The following SULT2A1 variants were observed in gnomAD, a reference collection of about 807,000 sequenced individuals.
SULT2A1 encodes the protein sulfotransferase family 2A member 1, also known as sulfotransferase 2A1.
In SULT2A1, 43 loss-of-function variants were observed where a neutral mutation model predicts 33.9. That is an observed-to-expected ratio of 1.27 (90% confidence interval 1.00 to 1.64). The LOEUF (loss-of-function observed/expected upper bound fraction) is 1.64, where lower values mean the gene tolerates loss of function less well. Among genes scored for constraint, SULT2A1 ranks in the 40% most tolerant of loss-of-function variants. The pLI, the probability that SULT2A1 is intolerant of heterozygous loss-of-function variation, is 0.00. For missense variants in SULT2A1, 300 were observed against 335.1 expected, an observed-to-expected ratio of 0.90 and a Z score of 0.82; for synonymous variants, 125 against 113.6, an observed-to-expected ratio of 1.10 and a Z score of -0.64.
chr19:47,874,894 G>C, intron 4 of SULT2A1, 60 bp from the exon 5 acceptor site: 1 of 1,464,986 alleles, frequency 6.8e-7, no homozygotes, highest in Non-Finnish European at 9.4e-7. Context: ...GGGCGTGGTG[G>C]TTCACGCCTG....
chr19:47,885,516 T>A (rs1968647725), intron 1 of SULT2A1, among the ~76,000 whole-genome samples: 1 of 152,184 alleles, frequency 6.6e-6, no homozygotes, highest in Non-Finnish European at 1.5e-5. Context: ...GTTGCTTCCA[T>A]CTTTTGGCTA....
At position 47,870,736 on chromosome 19, in the gene SULT2A1, A is replaced by G. The variant is rs1968481441; in HGVS notation, c.*719T>C. 1 of 147,734 alleles carries G rather than the reference A, an allele frequency of 6.8e-6. No homozygotes were observed. The highest frequency in any genetic ancestry group is 6.8e-5 in the Admixed American group (1 of 14,778). 9.2% of individuals were successfully genotyped at this position (147,734 alleles called of 1,614,324 possible). A position where few individuals can be genotyped will look rare whatever the true frequency, so the allele number is the denominator to read the frequency against. The stretch of plus-strand genomic sequence containing the variant: ...GTAGTACGTACATTATTCTTGTAGC[A>G]TTCTGTAAACGGGAAACATTGCAAA... On this transcript the variant is annotated 3_prime_UTR_variant, in exon 6 of 6. Coordinates refer to ENST00000222002, the MANE Select transcript of SULT2A1 (RefSeq NM_003167.4).
In SULT2A1 at chr19:47,886,149, C is replaced by T. The variant is rs964465274; in HGVS notation, c.109G>A (p.Val37Ile). Residue 37 changes from valine to isoleucine, a missense_variant, in exon 1 of 6, where the codon GTA (valine) becomes ATA (isoleucine). Coordinates refer to ENST00000222002, the MANE Select transcript of SULT2A1 (RefSeq NM_003167.4). ...GATTTGGGGTAAGTCAATATTATTA[C>T]ATCTTCATCCCTTATCACGAACTCA... ...RDEFVIRDED[V>I]IILTYPKSGT... The T allele has an allele frequency of 4.3e-6, 7 of 1,613,968 alleles. No individual in the cohort carries two copies. Among genetic ancestry groups the T allele is most frequent in the African/African-American group, 1.3e-5 (1 of 74,920 alleles).
intron 5 of SULT2A1, among the ~76,000 whole-genome samples, chr19:47,872,236 G>A (rs570302017): frequency 2.0e-5 from 3 of 152,154 alleles, no homozygotes; most frequent in South Asian, 2.1e-4. Context: ...GCTTTCATAA[G>A]TTCTCTTTCA....
rs1968527280 is a variant in SULT2A1 at position 47,874,790 on chromosome 19, C to T, written c.612G>A (p.Lys204=). Residue 204 remains lysine, a synonymous_variant, in exon 5 of 6, where the codon AAG becomes AAA. Transcript: ENST00000222002. ...TIEKICQFLG[K]TLEPEELNLI... ...AGTTCAGTTCTTCGGGTTCTAACGT[C>T]TTTCCCAGGAATTGACAGATCTTCT... 6.2e-7 allele frequency: 1 copy of T among 1,613,980 alleles called. No individual in the cohort carries two copies. Among genetic ancestry groups the T allele is most frequent in the African/African-American group, 1.3e-5 (1 of 74,914 alleles).
chr19:47,872,343 G>T (rs1024724625), intron 5 of SULT2A1, among the ~76,000 whole-genome samples: 1 of 152,146 alleles, frequency 6.6e-6, no homozygotes, highest in Non-Finnish European at 1.5e-5. Context: ...AAGTACAAGT[G>T]CTGGAGGCGC....
At position 47,883,673 on chromosome 19, in the gene SULT2A1, C is replaced by T. The variant is rs774789589; in HGVS notation, c.249G>A (p.Gly83=). The part of the protein sequence containing the change: ...ERSPWVESEI[G]YTALSETESP... ...TCTCCGTTTCACTGAGTGCTGTATACCCAATCTCACTCTCTACCCAGGGTG... is the reference window on the plus strand; with the variant it reads ...TCTCCGTTTCACTGAGTGCTGTATATCCAATCTCACTCTCTACCCAGGGTG... Residue 83 remains glycine, a synonymous_variant, in exon 2 of 6, where the codon GGG becomes GGA. Transcript: ENST00000222002. The T allele has an allele frequency of 1.9e-6, 3 of 1,614,064 alleles. No homozygotes were observed. The highest frequency in any genetic ancestry group is 2.2e-5 in the South Asian group (2 of 91,074).
chr19:47,878,837 G>A (rs1245204189), intron 4 of SULT2A1, among the ~76,000 whole-genome samples, 199 bp downstream of exon 4: 1 of 152,044 alleles, frequency 6.6e-6, no homozygotes, highest in Admixed American at 6.6e-5. Context: ...GATAAAATAA[G>A]GAGCGTGAAG....
chr19:47,877,437 G>A (rs1227172738), intron 4 of SULT2A1, among the ~76,000 whole-genome samples: 2 of 151,600 alleles, frequency 1.3e-5, no homozygotes, highest in Non-Finnish European at 1.5e-5. Flanking sequence ...ATGGGATTTC[G>A]CCATGTTGCC....
intron 3 of SULT2A1, 151 bp from the exon 4 acceptor site, chr19:47,879,281 T>C (rs1299251817): frequency 4.9e-6 from 3 of 618,494 alleles, no homozygotes. Context: ...ACAAATGGTA[T>C]ATATTTACAG....
intron 3 of SULT2A1, among the ~76,000 whole-genome samples, chr19:47,879,709 C>T (rs1174179998): frequency 7.0e-6 from 1 of 143,030 alleles, no homozygotes; most frequent in Non-Finnish European, 1.5e-5. Flanking sequence ...TATTCTCACT[C>T]ATAGGTGGGA....
intron 2 of SULT2A1, among the ~76,000 whole-genome samples, 177 bp from the exon 3 acceptor site, chr19:47,882,387 C>T (rs1203928476): frequency 2.0e-5 from 3 of 152,086 alleles, no homozygotes; most frequent in African/African-American, 2.4e-5. Flanking sequence ...ATGAAGTAGT[C>T]ACTGCACTAG....
In SULT2A1 at chr19:47,874,780, G is replaced by A. The variant is rs147399625; in HGVS notation, c.622C>T (p.Pro208Ser). ...TTGAGAATTAAGTTCAGTTCTTCGG[G>A]TTCTAACGTCTTTCCCAGGAATTGA... ...ICQFLGKTLE[P>S]EELNLILKNS... The change falls in exon 5 of 6, where the codon CCC becomes TCC. Residue 208 changes from proline (P) to serine (S), a missense_variant. Coordinates refer to ENST00000222002, the MANE Select transcript of SULT2A1 (RefSeq NM_003167.4). The A allele has an allele frequency of 6.2e-5, 100 of 1,613,972 alleles. No homozygotes were observed. The highest frequency in any genetic ancestry group is 8.0e-5 in the Non-Finnish European group (94 of 1,180,012).
chr19:47,871,766 G>A lies in SULT2A1; in HGVS notation c.746-199C>T, dbSNP rs187109301. 2.6e-3 allele frequency among the ~76,000 whole-genome samples: 398 copies of A among 152,138 alleles called. 1 individual carries two copies. Among genetic ancestry groups the A allele is most frequent in the Non-Finnish European group, 4.8e-3 (324 of 68,014 alleles). ...TTCTCCTTTCTCCCATCCATCCTGT[G>A]TACAATTCCTCAGCAATAACGCCAG... On this transcript the variant is annotated intron_variant, in intron 5 of 5. Transcript: ENST00000222002.
At position 47,871,396 on chromosome 19, in the gene SULT2A1, T is replaced by C. The variant is rs750577874; in HGVS notation, c.*59A>G. 4.0e-4 allele frequency: 503 copies of C among 1,267,304 alleles called. No individual in the cohort carries two copies. Among genetic ancestry groups the C allele is most frequent in the Non-Finnish European group, 5.2e-4 (450 of 865,312 alleles). 78.5% of individuals were successfully genotyped at this position (1,267,304 alleles called of 1,614,324 possible). On this transcript the variant is annotated 3_prime_UTR_variant, in exon 6 of 6. Transcript: ENST00000222002. Reference sequence around the variant, plus strand: ...TACACAATGACCCCAGTCAGGTACATGTACAAGGACAGGAGAATCAATGTC... The same window carrying C: ...TACACAATGACCCCAGTCAGGTACACGTACAAGGACAGGAGAATCAATGTC...
intron 1 of SULT2A1, among the ~76,000 whole-genome samples, chr19:47,885,297 G>A (rs762923404): frequency 3.9e-5 from 6 of 152,108 alleles, no homozygotes; most frequent in Non-Finnish European, 8.8e-5. Context: ...TGTTTCTATG[G>A]ACTTGATGAC....
chr19:47,884,134 A>C (rs970814394), intron 1 of SULT2A1, among the ~76,000 whole-genome samples: 4 of 149,904 alleles, frequency 2.7e-5, no homozygotes, highest in African/African-American at 4.9e-5. Context: ...AAAACAAAAA[A>C]AAGTACCATC....
rs11569681 is a variant in SULT2A1 at position 47,883,735 on chromosome 19, C to G, written c.187G>C (p.Ala63Pro). ...ILCLMHSKGD[A>P]KWIQSVPIWE... is the part of the protein sequence containing the mutation. ...ATGGGCACAGATTGGATCCACTTGG[C>G]ATCCCCCTTGGAGTGCATCAGGCAG... The change falls in exon 2 of 6, where the codon GCC becomes CCC. Residue 63 changes from alanine (A) to proline (P), a missense_variant. Coordinates refer to ENST00000222002, the MANE Select transcript of SULT2A1 (RefSeq NM_003167.4). 5,446 of 1,614,090 alleles carry G rather than the reference C, an allele frequency of 3.4e-3. 149 individuals are homozygous for G. The African/African-American group carries it at 0.064, about 19-fold the overall frequency.
intron 1 of SULT2A1, among the ~76,000 whole-genome samples, chr19:47,885,463 T>C (rs1439115595): frequency 6.6e-6 from 1 of 152,226 alleles, no homozygotes; most frequent in African/African-American, 2.4e-5. Context: ...TATAGCTATA[T>C]ACCACATTTT....
Sources: allele counts gnomAD v4.1 joint callset (sites outside exome capture counted in the v4.1 genomes callset), GRCh38; gene constraint gnomAD v4.1.1; transcripts MANE v1.5; gene names NCBI Gene and HGNC (gene_info 2026-07-23, HGNC 2026-07-21).